Variants in CTNS observed in about 807,000 individuals in gnomAD.
CTNS encodes cystinosin.
Under a neutral mutation model 43.7 loss-of-function variants are expected in CTNS, and 27 were observed. The observed-to-expected ratio is 0.62, with a 90% confidence interval of 0.46 to 0.85. The LOEUF (loss-of-function observed/expected upper bound fraction) is 0.85. Among genes scored for constraint, CTNS ranks in the 40% least tolerant of loss-of-function variants. The probability of loss-of-function intolerance (pLI) is 0.00; values close to 1 mark genes in which losing one functional copy is unlikely to be tolerated. For missense variants in CTNS, 457 were observed against 475.4 expected, an observed-to-expected ratio of 0.96 and a Z score of 0.36; for synonymous variants, 187 against 190.6, an observed-to-expected ratio of 0.98 and a Z score of 0.16.
rs368822078 is a variant in CTNS, at chr17:3,655,360, C to T, written c.461+8C>T. 5.6e-6 allele frequency: 9 copies of T among 1,613,836 alleles called. No homozygotes were observed. In the African/African-American group the frequency reaches 6.7e-5, roughly 12 times the overall value. Reference sequence around the variant, plus strand: ...GAATTGGAGGCGGAAAAGGTAACCCCCTGGGCCGTATGTGCAGGCTCTCTC... The same window carrying T: ...GAATTGGAGGCGGAAAAGGTAACCCTCTGGGCCGTATGTGCAGGCTCTCTC... On this transcript the variant is annotated splice_region_variant and intron_variant, in intron 7 of 11. Coordinates refer to ENST00000046640, the MANE Select transcript of CTNS (RefSeq NM_004937.3).
intron 5 of CTNS, among the ~76,000 whole-genome samples, chr17:3,653,657 C>T (rs1663170298): frequency 6.6e-6 from 1 of 152,166 alleles, no homozygotes; most frequent in Non-Finnish European, 1.5e-5. Context: ...GGGTGGATCA[C>T]TTGAGGCTGG....
At chr17:3,646,220 A>G (rs1425048135) in intron 3 of CTNS, among the ~76,000 whole-genome samples, 1 of 151,880 alleles carries the variant, frequency 6.6e-6, no homozygotes, top group Non-Finnish European at 1.5e-5. Context: ...CAAAGAATAC[A>G]GGAAGCACAC....
chr17:3,638,210 T>G lies in CTNS; in HGVS notation c.-20+894T>G, dbSNP rs189021829. On this transcript the variant is annotated intron_variant, in intron 2 of 11. Transcript: ENST00000046640. ...TAGCTTTCACAAGCCACTAGTTGTA[T>G]GTAATTATCAATCTGGTTTTTTTTT... 4.8e-3 allele frequency among the ~76,000 whole-genome samples: 733 copies of G among 152,078 alleles called. 3 individuals carry two copies. Among genetic ancestry groups the G allele is most frequent in the Non-Finnish European group, 7.8e-3 (532 of 67,986 alleles).
In CTNS at chr17:3,647,462, C is replaced by A. The variant is rs576315457; in HGVS notation, c.80C>A (p.Thr27Asn). 63 of 1,614,190 alleles carry A rather than the reference C, an allele frequency of 3.9e-5. No individual in the cohort carries two copies. The South Asian group carries it at 6.7e-4, about 17-fold the overall frequency. The change falls in exon 4 of 12, where the codon ACT (threonine) becomes AAT (asparagine). Residue 27 changes from threonine (T) to asparagine (N), a missense_variant. Transcript: ENST00000046640. ...CTTCCAGAGTCAAGCGTCAGCCTCA[C>A]TGTTCCTCCTGTCGTAAAGCTGGAG... ...VEKCESSVSL[T>N]VPPVVKLENG... is the part of the protein sequence containing the mutation.
chr17:3,645,992 G>A (rs1041702513), intron 3 of CTNS, among the ~76,000 whole-genome samples: 13 of 152,052 alleles, frequency 8.5e-5, no homozygotes, highest in Non-Finnish European at 1.5e-4. Flanking sequence ...TCTGAGTGAC[G>A]GGGTCTGGGT....
chr17:3,640,971 C>T (rs1426024064), intron 3 of CTNS, among the ~76,000 whole-genome samples: 1 of 152,066 alleles, frequency 6.6e-6, no homozygotes, highest in Non-Finnish European at 1.5e-5. Flanking sequence ...AGTCTTGGGT[C>T]CTGGGAAACA....
At chr17:3,658,790 A>T (rs1206103395) in intron 10 of CTNS, among the ~76,000 whole-genome samples, 3 of 152,174 alleles carry the variant, frequency 2.0e-5, no homozygotes, top group African/African-American at 7.2e-5. Flanking sequence ...ACTGGGAGGC[A>T]GGACTGGACT....
rs769621338 is a variant in CTNS at position 3,658,190 on chromosome 17, C to T, written c.852+15C>T. On this transcript the variant is annotated intron_variant, in intron 10 of 11. Coordinates refer to ENST00000046640, the MANE Select transcript of CTNS (RefSeq NM_004937.3). ...ATTTTCCACAGGTACCTCCAGGGCC[C>T]TGTTCACATGGCCGGTGGCAGGAGA... 1 of 1,611,844 alleles carries T rather than the reference C, an allele frequency of 6.2e-7. No homozygotes were observed. Among genetic ancestry groups the T allele is most frequent in the Admixed American group, 1.7e-5 (1 of 60,020 alleles).
intron 7 of CTNS, among the ~76,000 whole-genome samples, chr17:3,656,193 C>T (rs1244213119): frequency 2.0e-5 from 2 of 99,760 alleles, no homozygotes; most frequent in African/African-American, 9.2e-5. Flanking sequence ...TGCCATGCCC[C>T]TCCACCCCCG....
At chr17:3,657,720 C>G in intron 9 of CTNS, 1 of 516,134 alleles carries the variant, frequency 1.9e-6, no homozygotes, top group South Asian at 2.1e-5. Flanking sequence ...AGGAACAAAG[C>G]AGACAGAGCT....
chr17:3,637,232 G>A lies in CTNS; in HGVS notation c.-104G>A, dbSNP rs901628964. ...TCCGGGTTTTCACACTGGGCGAAGGGAGGACTCCTGAGCTCTGCCTCTTCC... is the reference window on the plus strand; with the variant it reads ...TCCGGGTTTTCACACTGGGCGAAGGAAGGACTCCTGAGCTCTGCCTCTTCC... On this transcript the variant is annotated 5_prime_UTR_variant, in exon 2 of 12. Coordinates refer to ENST00000046640, the MANE Select transcript of CTNS (RefSeq NM_004937.3). The A allele has an allele frequency of 6.6e-6, 1 of 152,210 alleles. No individual in the cohort carries two copies. The highest frequency in any genetic ancestry group is 1.5e-5 in the Non-Finnish European group (1 of 68,042). 9.4% of individuals were successfully genotyped at this position (152,210 alleles called of 1,614,324 possible).
At chr17:3,648,777 A>C (rs2075904946) in intron 4 of CTNS, 70 bp from the exon 5 acceptor site, 1 of 1,288,718 alleles carries the variant, frequency 7.8e-7, no homozygotes, top group African/African-American at 1.5e-5. Flanking sequence ...GCCAGATGTG[A>C]AATCCAGAGG....
chr17:3,645,945 T>G (rs117735806), intron 3 of CTNS, among the ~76,000 whole-genome samples: 1 of 137,312 alleles, frequency 7.3e-6, no homozygotes, highest in Non-Finnish European at 1.6e-5. Flanking sequence ...GGGGTCTGAG[T>G]GACAGGGTCT....
At chr17:3,646,938 G>A (rs889438758) in intron 3 of CTNS, among the ~76,000 whole-genome samples, 13 of 152,194 alleles carry the variant, frequency 8.5e-5, no homozygotes, top group Non-Finnish European at 1.6e-4. Context: ...GCTGGGTTGG[G>A]AAGGGACCCC....
chr17:3,649,224 G>A (rs984538143), intron 5 of CTNS, among the ~76,000 whole-genome samples: 7 of 152,098 alleles, frequency 4.6e-5, no homozygotes, highest in South Asian at 2.1e-4. Flanking sequence ...CAAGGTGAGC[G>A]GGTCACCTGA....
chr17:3,641,980 G>C (rs1426812231), intron 3 of CTNS, among the ~76,000 whole-genome samples: 1 of 151,682 alleles, frequency 6.6e-6, no homozygotes, highest in Non-Finnish European at 1.5e-5. Flanking sequence ...GACTTTGTAA[G>C]ACTGAGGCTG....
At chr17:3,639,079 G>A (rs537847787) in intron 2 of CTNS, among the ~76,000 whole-genome samples, 1 of 152,238 alleles carries the variant, frequency 6.6e-6, no homozygotes, top group Non-Finnish European at 1.5e-5. Flanking sequence ...TGGAGGCCTT[G>A]GGGAAACTGA....
intron 10 of CTNS, among the ~76,000 whole-genome samples, chr17:3,659,621 TG>T (rs1161303741): frequency 1.3e-5 from 2 of 152,154 alleles, no homozygotes; most frequent in African/African-American, 2.4e-5. Flanking sequence ...CTGTGAGGTG[TG>T]GGGGGTGCGG....
At position 3,639,977 on chromosome 17, in the gene CTNS, A is replaced by G. The variant is rs456253; in HGVS notation, c.-19-211A>G. On this transcript the variant is annotated intron_variant, in intron 2 of 11. Transcript: ENST00000046640. ...GGGGGGCACTTTACACAACCCATTT[A>G]TCTGCTCGGAGCCCGTTTCCCCTGT... is the stretch of plus-strand genomic sequence containing the variant. Among the ~76,000 whole-genome samples, 64,713 of 151,970 alleles carry G rather than the reference A, an allele frequency of 0.43. 14,451 individuals carry two copies. The highest frequency in any genetic ancestry group is 0.49 in the Non-Finnish European group (33,432 of 67,932).
Sources: allele counts gnomAD v4.1 joint callset (sites outside exome capture counted in the v4.1 genomes callset), GRCh38; gene constraint gnomAD v4.1.1; transcripts MANE v1.5; gene names NCBI Gene and HGNC (gene_info 2026-07-23, HGNC 2026-07-21).